GNG12: variants seen among roughly 807,000 people sequenced by gnomAD.
The protein encoded by GNG12 is guanine nucleotide-binding protein G(I)/G(S)/G(O) subunit gamma-12.
For synonymous variants in GNG12, 28 were observed against 29.7 expected (o/e 0.94, Z 0.19); for missense variants, 69 against 83.8 (o/e 0.82, Z 0.69).
At chr1:67,723,093 A>C (rs1430844765) in intron 2 of GNG12, among the ~76,000 whole-genome samples, 1 of 152,228 alleles carries the variant, frequency 6.6e-6, no homozygotes, top group Admixed American at 6.5e-5. Flanking sequence ...GATTTCAAAC[A>C]GATGGAAGCA....
rs147461223 is a variant in GNG12, at chr1:67,797,534, C to T, written c.-76-20027G>A. ...CCAAACAACTCAAGTATGAACTACA[C>T]AAAAATAAAATGTAACCCTCCACAC... On this transcript the variant is annotated intron_variant, in intron 1 of 3. Coordinates refer to ENST00000370982, the MANE Select transcript of GNG12 (RefSeq NM_018841.6). 2.9e-4 allele frequency among the ~76,000 whole-genome samples: 44 copies of T among 152,250 alleles called. No individual in the cohort carries two copies. In the East Asian group the frequency reaches 8.1e-3, roughly 28 times the overall value.
chr1:67,714,181 T>C (rs1205695609), intron 2 of GNG12, among the ~76,000 whole-genome samples: 4 of 152,026 alleles, frequency 2.6e-5, no homozygotes, highest in East Asian at 1.9e-4. Flanking sequence ...GGAAGACTTC[T>C]GGAAAAATCA....
chr1:67,734,835 C>T (rs999969471), intron 2 of GNG12, among the ~76,000 whole-genome samples: 1 of 152,052 alleles, frequency 6.6e-6, no homozygotes, highest in Non-Finnish European at 1.5e-5. Context: ...AAATGTATTA[C>T]AATTTTTATT....
rs763401953 is a variant in GNG12, at chr1:67,707,656, T to C, written c.31A>G (p.Ile11Val). Reference protein sequence around the residue: MSSKTASTNNIAQARRTVQQL... With the variant: MSSKTASTNNVAQARRTVQQL... ...TGCACAGTTCTCCTTGCCTGGGCTA[T>C]ATTGTTGGTGCTTGCTGTTTTGCTG... Residue 11 changes from isoleucine to valine, a missense_variant, in exon 3 of 4, where the codon ATA becomes GTA. By Grantham distance (29) the Ile-to-Val change is conservative. Coordinates refer to ENST00000370982, the MANE Select transcript of GNG12 (RefSeq NM_018841.6). The C allele has an allele frequency of 1.2e-5, 19 of 1,608,260 alleles. No individual in the cohort carries two copies. Among genetic ancestry groups the C allele is most frequent in the Non-Finnish European group, 1.4e-5 (17 of 1,178,032 alleles).
chr1:67,774,071 C>CTCTGAGTACTTT (rs1646690459), intron 2 of GNG12, among the ~76,000 whole-genome samples: 1 of 152,166 alleles, frequency 6.6e-6, no homozygotes, highest in Admixed American at 6.6e-5. Context: ...CTCTGTGTGG[C>CTCTGAGTACTTT]ATTATCTTTA....
intron 2 of GNG12, among the ~76,000 whole-genome samples, chr1:67,766,098 G>GCGCACACACACACA (rs1307715972): frequency 9.9e-6 from 1 of 100,816 alleles, no homozygotes; most frequent in African/African-American, 4.5e-5. Flanking sequence ...ACAAAACAAG[G>GCGCACACACACACA]CACACACGCA....
In GNG12 at chr1:67,778,414, T is replaced by C. The variant is rs567318026; in HGVS notation, c.-76-907A>G. The stretch of plus-strand genomic sequence containing the variant: ...GAACCTATTCTTGGCCTTCAGGTAT[T>C]GGTAAGGCTTCAAGAAGTCCGACGC... On this transcript the variant is annotated intron_variant, in intron 1 of 3. Transcript: ENST00000370982. Among the ~76,000 whole-genome samples the C allele has an allele frequency of 2.6e-5, 4 of 152,278 alleles. No homozygotes were observed. The East Asian group carries it at 5.8e-4, about 22-fold the overall frequency.
chr1:67,775,570 C>G (rs528236953), intron 2 of GNG12, among the ~76,000 whole-genome samples: 3 of 152,198 alleles, frequency 2.0e-5, no homozygotes, highest in Non-Finnish European at 4.4e-5. Context: ...AAGTCCAATG[C>G]CCATGCTTCT....
At chr1:67,804,706 A>C (rs1348274877) in intron 1 of GNG12, among the ~76,000 whole-genome samples, 1 of 152,010 alleles carries the variant, frequency 6.6e-6, no homozygotes, top group Non-Finnish European at 1.5e-5. Context: ...CAGGAATAGA[A>C]ACCTTCAAGC....
intron 2 of GNG12, among the ~76,000 whole-genome samples, chr1:67,748,929 T>C (rs971139157): frequency 2.6e-5 from 4 of 152,024 alleles, no homozygotes; most frequent in African/African-American, 7.3e-5. Context: ...AAGTCCAGAA[T>C]AGCCTCTCCC....
chr1:67,706,808 C>T (rs1190647391), intron 3 of GNG12, among the ~76,000 whole-genome samples: 6 of 151,874 alleles, frequency 4.0e-5, no homozygotes, highest in African/African-American at 7.3e-5. Flanking sequence ...GGCGTGCGCA[C>T]GCCACCGTGC....
chr1:67,732,603 T>C (rs1018785519), intron 2 of GNG12, among the ~76,000 whole-genome samples: 3 of 152,248 alleles, frequency 2.0e-5, no homozygotes, highest in Non-Finnish European at 4.4e-5. Flanking sequence ...GCTAATAATG[T>C]TCACACTGCT....
intron 1 of GNG12, among the ~76,000 whole-genome samples, chr1:67,830,883 A>G (rs998302854): frequency 1.3e-5 from 2 of 152,200 alleles, no homozygotes; most frequent in Non-Finnish European, 2.9e-5. Flanking sequence ...CTGCTGCTTG[A>G]ACAAGCTAGA....
At chr1:67,815,100 G>A (rs954266100) in intron 1 of GNG12, among the ~76,000 whole-genome samples, 23 of 152,142 alleles carry the variant, frequency 1.5e-4, no homozygotes, top group Non-Finnish European at 2.9e-5. Flanking sequence ...GTTCTCAAGG[G>A]GGAATGGAGA....
chr1:67,778,824 ATTATAACCATCAAATGAT>A (rs1646721441), intron 1 of GNG12, among the ~76,000 whole-genome samples: 2 of 152,212 alleles, frequency 1.3e-5, no homozygotes, highest in Non-Finnish European at 2.9e-5. Context: ...TTCAGTTTTA[ATTATAACCATCAAATGAT>A]CCAAGTCTGC....
rs1646918512 is a variant in GNG12, at chr1:67,810,440, T to C, written c.-77+22904A>G. ...ATAATGATGTGTCAACTTAGGTTCA[T>C]TGATTACAATAAATGTACCACTCTG... On this transcript the variant is annotated intron_variant, in intron 1 of 3. Coordinates refer to ENST00000370982, the MANE Select transcript of GNG12 (RefSeq NM_018841.6). 2.0e-5 allele frequency among the ~76,000 whole-genome samples: 3 copies of C among 152,192 alleles called. No individual in the cohort carries two copies. The South Asian group carries it at 6.2e-4, about 32-fold the overall frequency.
rs1429730701 is a variant in GNG12, at chr1:67,802,104, G to C, written c.-76-24597C>G. 2.0e-5 allele frequency among the ~76,000 whole-genome samples: 3 copies of C among 151,990 alleles called. No individual in the cohort carries two copies. In the East Asian group the frequency reaches 5.8e-4, roughly 29 times the overall value. ...TTGTGGTTTCTTGACCAGAGAATGA[G>C]AAAAAGGCATTAGATCATTTCATGA... On this transcript the variant is annotated intron_variant, in intron 1 of 3. Coordinates refer to ENST00000370982, the MANE Select transcript of GNG12 (RefSeq NM_018841.6).
At chr1:67,754,532 C>A (rs61013039) in intron 2 of GNG12, among the ~76,000 whole-genome samples, 6,805 of 152,230 alleles carry the variant, frequency 0.045, 435 homozygotes, top group African/African-American at 0.15. Context: ...GCAGCTGGCC[C>A]CTGGATCACT....
At chr1:67,802,309 C>T (rs1646871034) in intron 1 of GNG12, among the ~76,000 whole-genome samples, 1 of 152,042 alleles carries the variant, frequency 6.6e-6, no homozygotes, top group Non-Finnish European at 1.5e-5. Flanking sequence ...TAAATTAGGG[C>T]AAATGGAAAA....
Sources: allele counts gnomAD v4.1 joint callset (sites outside exome capture counted in the v4.1 genomes callset), GRCh38; gene constraint gnomAD v4.1.1; transcripts MANE v1.5; gene names NCBI Gene and HGNC (gene_info 2026-07-23, HGNC 2026-07-21).